Variants in IFT140 observed in about 807,000 individuals in gnomAD.
The protein encoded by IFT140 is intraflagellar transport protein 140 homolog.
Under a neutral mutation model 164.6 loss-of-function variants are expected in IFT140, and 133 were observed. The observed-to-expected ratio is 0.81, with a 90% confidence interval of 0.70 to 0.93. The LOEUF is 0.93. Among genes scored for constraint, IFT140 ranks in the 40% least tolerant of loss-of-function variants. The pLI is 0.00. For synonymous variants in IFT140, 860 were observed against 817.3 expected, an observed-to-expected ratio of 1.05 and a Z score of -0.89; for missense variants, 2,045 against 1,972.3, an observed-to-expected ratio of 1.04 and a Z score of -0.70.
chr16:1,560,231 G>A (rs148343604), intron 18 of IFT140, among the ~76,000 whole-genome samples: 3 of 152,310 alleles, frequency 2.0e-5, no homozygotes, highest in Non-Finnish European at 2.9e-5. Context: ...CGAATCACAC[G>A]ATGCTTTCCC....
intron 4 of IFT140, among the ~76,000 whole-genome samples, chr16:1,597,392 G>C (rs963417161): frequency 4.6e-5 from 7 of 152,198 alleles, no homozygotes; most frequent in Non-Finnish European, 1.0e-4. Context: ...CTGGACTTGG[G>C]ACAGGGAGCA....
intron 18 of IFT140, among the ~76,000 whole-genome samples, chr16:1,558,899 G>C (rs184066177): frequency 1.6e-4 from 25 of 152,350 alleles, no homozygotes; most frequent in Admixed American, 2.6e-4. Context: ...TGCCTCCCCA[G>C]CTGCGCTCCC....
chr16:1,582,901 G>A (rs753037259), intron 12 of IFT140, among the ~76,000 whole-genome samples: 8 of 152,308 alleles, frequency 5.3e-5, no homozygotes, highest in South Asian at 4.1e-4. Context: ...AAAACTAACC[G>A]CAGAGAGCTG....
intron 19 of IFT140, among the ~76,000 whole-genome samples, chr16:1,552,449 C>T (rs1006967710): frequency 1.3e-5 from 2 of 152,128 alleles, no homozygotes; most frequent in Non-Finnish European, 2.9e-5. Flanking sequence ...CCACACCCCA[C>T]CGGCAGAAAG....
At chr16:1,520,516 C>A in intron 27 of IFT140, 86 bp downstream of exon 27, 1 of 1,431,790 alleles carries the variant, frequency 7.0e-7, no homozygotes, top group South Asian at 1.3e-5. Context: ...TTGGGGTCAT[C>A]ACGAAGGCAA....
intron 6 of IFT140, among the ~76,000 whole-genome samples, chr16:1,590,466 G>A (rs531903290): frequency 1.2e-4 from 18 of 152,230 alleles, no homozygotes; most frequent in African/African-American, 3.9e-4. Context: ...TTTCTGCCCT[G>A]GGTGTCGCTG....
chr16:1,596,129 T>C (rs948006134), intron 4 of IFT140, among the ~76,000 whole-genome samples: 1 of 152,072 alleles, frequency 6.6e-6, no homozygotes, highest in Non-Finnish European at 1.5e-5. Context: ...AAAAAATATT[T>C]TAAAAATAAT....
In IFT140 at chr16:1,553,630, T is replaced by C; in HGVS notation, c.2399+4305A>G. ...GTACAAGAAACAGACTCACTCAGGT[T>C]ACTGTAACAGAGAGGGAGGGGTGCT... On this transcript the variant is annotated intron_variant, in intron 19 of 30. Transcript: ENST00000426508. The surrounding 1 kb of genome is among the most constrained non-coding windows in gnomAD (Gnocchi z 4.4). The C allele has an allele frequency of 9.5e-7, 1 of 1,048,440 alleles. No homozygotes were observed. The highest frequency in any genetic ancestry group is 1.2e-6 in the Non-Finnish European group (1 of 865,640). The allele number at this position is 1,048,440 out of a possible 1,614,324, so 64.9% of individuals were successfully genotyped here.
intron 30 of IFT140, chr16:1,514,736 A>G (rs550891305): frequency 6.6e-6 from 1 of 152,350 alleles, no homozygotes; most frequent in African/African-American, 2.4e-5. Context: ...CAAAAAAATG[A>G]CTAGACATAA....
At chr16:1,607,827 G>A (rs1015566360) in intron 2 of IFT140, among the ~76,000 whole-genome samples, 47 of 152,172 alleles carry the variant, frequency 3.1e-4, no homozygotes, top group African/African-American at 1.1e-3. Flanking sequence ...AGTAATTTGT[G>A]TAGACACAAG....
chr16:1,576,408 G>A (rs574599625), intron 13 of IFT140, among the ~76,000 whole-genome samples: 3 of 151,088 alleles, frequency 2.0e-5, no homozygotes, highest in African/African-American at 4.9e-5. Flanking sequence ...TGGCTAACAC[G>A]GTGAAACCCT....
chr16:1,544,217 T>C (rs150672825), intron 19 of IFT140, among the ~76,000 whole-genome samples: 1 of 140,206 alleles, frequency 7.1e-6, no homozygotes, highest in African/African-American at 2.7e-5. Flanking sequence ...GAAGTCTCAC[T>C]CTGTCACCCA....
chr16:1,594,204 C>G (rs1034675947), intron 4 of IFT140, among the ~76,000 whole-genome samples: 6 of 151,432 alleles, frequency 4.0e-5, no homozygotes, highest in African/African-American at 1.5e-4. Flanking sequence ...TACCTAGGTT[C>G]ATTTTATAAA....
intron 19 of IFT140, among the ~76,000 whole-genome samples, chr16:1,539,312 C>A (rs1389099800): frequency 2.6e-5 from 4 of 151,368 alleles, no homozygotes; most frequent in Non-Finnish European, 5.9e-5. Context: ...ACGTCCCATG[C>A]CTTGGGCCTC....
At chr16:1,576,308 A>G (rs1382340892) in intron 13 of IFT140, among the ~76,000 whole-genome samples, 1 of 144,428 alleles carries the variant, frequency 6.9e-6, no homozygotes, top group East Asian at 2.1e-4. Flanking sequence ...AAAAAAAAGT[A>G]TGGCCGGGTG....
chr16:1,560,412 A>G (rs1172569646), intron 18 of IFT140, among the ~76,000 whole-genome samples: 3 of 152,206 alleles, frequency 2.0e-5, no homozygotes, highest in Admixed American at 6.5e-5. Flanking sequence ...TCATCACTGC[A>G]CACAAGGTTC....
intron 30 of IFT140, among the ~76,000 whole-genome samples, chr16:1,512,371 G>GC (rs1165261264): frequency 1.3e-5 from 2 of 152,088 alleles, no homozygotes; most frequent in Non-Finnish European, 2.9e-5. Context: ...AGGAGCTGTG[G>GC]CCTGGGTGAG....
chr16:1,592,867 G>A (rs1334372015), intron 4 of IFT140, among the ~76,000 whole-genome samples: 1 of 151,944 alleles, frequency 6.6e-6, no homozygotes, highest in East Asian at 1.9e-4. Context: ...GGAGGGACAG[G>A]TGTCCTGGCA....
At chr16:1,535,482 C>T (rs1278092965) in intron 19 of IFT140, among the ~76,000 whole-genome samples, 4 of 152,210 alleles carry the variant, frequency 2.6e-5, no homozygotes, top group Non-Finnish European at 4.4e-5. Flanking sequence ...CTCACAGACT[C>T]GGGGTTGGAC....
Sources: allele counts gnomAD v4.1 joint callset (sites outside exome capture counted in the v4.1 genomes callset), GRCh38; gene constraint gnomAD v4.1.1; non-coding constraint Gnocchi (gnomAD v3.1); transcripts MANE v1.5; gene names NCBI Gene and HGNC (gene_info 2026-07-23, HGNC 2026-07-21).